The following ENPP6 variants were observed in gnomAD, a reference collection of about 807,000 sequenced individuals.
The protein encoded by ENPP6 is glycerophosphocholine cholinephosphodiesterase ENPP6.
ENPP6 carries 32 observed loss-of-function variants against 42.0 expected under a neutral mutation model. The observed-to-expected ratio is 0.76, with a 90% CI of 0.58 to 1.02. ENPP6 has a LOEUF of 1.02. Among genes scored for constraint, ENPP6 ranks in the 50% least tolerant of loss-of-function variants. The pLI is 0.00. For missense variants in ENPP6, 552 were observed against 566.8 expected (o/e 0.97, Z 0.27); for synonymous variants, 213 against 216.0 (o/e 0.99, Z 0.12).
intron 1 of ENPP6, 134 bp from the exon 2 acceptor site, chr4:184,153,867 A>T: frequency 1.0e-6 from 1 of 978,980 alleles, no homozygotes; most frequent in Non-Finnish European, 1.4e-6. Context: ...TTTTGACTTT[A>T]AAAAAAAATC....
chr4:184,204,671 G>A (rs1487004460), intron 1 of ENPP6, among the ~76,000 whole-genome samples: 1 of 152,142 alleles, frequency 6.6e-6, no homozygotes, highest in Admixed American at 6.5e-5. Context: ...CCTTGGAGGT[G>A]ACTCTCCTTC....
At chr4:184,197,276 A>G (rs977331515) in intron 1 of ENPP6, among the ~76,000 whole-genome samples, 1 of 152,222 alleles carries the variant, frequency 6.6e-6, no homozygotes, top group African/African-American at 2.4e-5. Flanking sequence ...CATGCACCAC[A>G]CACTCTCTCT....
intron 6 of ENPP6, among the ~76,000 whole-genome samples, chr4:184,102,583 T>C (rs180891229): frequency 6.6e-6 from 1 of 152,326 alleles, no homozygotes; most frequent in East Asian, 1.9e-4. Context: ...CCTCCAGCTG[T>C]GTCCTGCATC....
chr4:184,094,298 T>A (rs1025163020), intron 7 of ENPP6, among the ~76,000 whole-genome samples: 3 of 152,000 alleles, frequency 2.0e-5, no homozygotes, highest in Admixed American at 2.0e-4. Flanking sequence ...AAAACAAAAA[T>A]CCTCTTCTTT....
At chr4:184,193,744 T>G (rs1255398226) in intron 1 of ENPP6, among the ~76,000 whole-genome samples, 5 of 152,172 alleles carry the variant, frequency 3.3e-5, no homozygotes, top group African/African-American at 9.7e-5. Context: ...TTCTCCAGAT[T>G]CCCAGCTATG....
chr4:184,122,110 T>C (rs2111350511), intron 3 of ENPP6, among the ~76,000 whole-genome samples: 1 of 152,314 alleles, frequency 6.6e-6, no homozygotes, highest in African/African-American at 2.4e-5. Flanking sequence ...GGTGGCCCTG[T>C]TAACTTTGGC....
At chr4:184,165,105 A>G (rs1009702918) in intron 1 of ENPP6, among the ~76,000 whole-genome samples, 1 of 152,198 alleles carries the variant, frequency 6.6e-6, no homozygotes, top group Non-Finnish European at 1.5e-5. Flanking sequence ...CCCACTGAGG[A>G]AGCGCTTTAC....
At chr4:184,103,412 G>T (rs983927373) in intron 6 of ENPP6, among the ~76,000 whole-genome samples, 6 of 152,226 alleles carry the variant, frequency 3.9e-5, no homozygotes, top group African/African-American at 1.4e-4. Flanking sequence ...AGGTGTATTA[G>T]AGGCCTAATA....
intron 1 of ENPP6, among the ~76,000 whole-genome samples, chr4:184,165,060 A>G (rs1358847893): frequency 6.6e-6 from 1 of 152,172 alleles, no homozygotes; most frequent in African/African-American, 2.4e-5. Context: ...ATTCAGAGGA[A>G]CACGTCAGTC....
At chr4:184,100,193 G>T (rs1735975156) in intron 6 of ENPP6, among the ~76,000 whole-genome samples, 1 of 152,246 alleles carries the variant, frequency 6.6e-6, no homozygotes, top group African/African-American at 2.4e-5. Context: ...CGGGTCAGGT[G>T]CACAGGTAAC....
intron 6 of ENPP6, among the ~76,000 whole-genome samples, chr4:184,112,353 T>C (rs1736207782): frequency 6.6e-6 from 1 of 152,214 alleles, no homozygotes; most frequent in Admixed American, 6.5e-5. Flanking sequence ...GAGCAATTGC[T>C]TTGGTTCACA....
At chr4:184,169,585 C>T (rs1250935253) in intron 1 of ENPP6, among the ~76,000 whole-genome samples, 1 of 152,230 alleles carries the variant, frequency 6.6e-6, no homozygotes, top group Non-Finnish European at 1.5e-5. Context: ...TTTCTGGCCA[C>T]CTTGCCCTCC....
intron 7 of ENPP6, 28 bp downstream of exon 7, chr4:184,097,217 G>A: frequency 2.5e-6 from 4 of 1,613,812 alleles, no homozygotes; most frequent in Non-Finnish European, 3.4e-6. Flanking sequence ...AATGGGGTCT[G>A]AGAGCATCTG....
intron 1 of ENPP6, among the ~76,000 whole-genome samples, chr4:184,195,924 T>C (rs4862330): frequency 0.49 from 74,820 of 152,132 alleles, 19,856 homozygotes; most frequent in East Asian, 0.95. Context: ...CAGCTGGTCC[T>C]GCAGGTCCTT....
intron 6 of ENPP6, among the ~76,000 whole-genome samples, chr4:184,101,368 G>A: frequency 6.7e-6 from 1 of 149,622 alleles, no homozygotes; most frequent in East Asian, 2.0e-4. Flanking sequence ...GGGGTAGGGA[G>A]ATGGGGAGGA....
chr4:184,211,444 A>G (rs1733108748), intron 1 of ENPP6, among the ~76,000 whole-genome samples: 1 of 151,870 alleles, frequency 6.6e-6, no homozygotes, highest in Non-Finnish European at 1.5e-5. Flanking sequence ...CTACCATCAG[A>G]GAATACTACA....
Position 184,128,640 on chromosome 4 carries a change from G to A in ENPP6, c.422-4368C>T, listed in dbSNP as rs368648408. On this transcript the variant is annotated intron_variant, in intron 2 of 7. Coordinates refer to ENST00000296741, the MANE Select transcript of ENPP6 (RefSeq NM_153343.4). Reference sequence around the variant, plus strand: ...CACAAAGAAATCTTGGAAATATAACGTGCAAAATTGCAACTTGGTGGAAAA... The same window carrying A: ...CACAAAGAAATCTTGGAAATATAACATGCAAAATTGCAACTTGGTGGAAAA... 1.5e-3 allele frequency among the ~76,000 whole-genome samples: 231 copies of A among 150,176 alleles called. 2 individuals carry two copies. The highest frequency in any genetic ancestry group is 5.3e-3 in the African/African-American group (220 of 41,148).
chr4:184,134,537 A>G (rs189698178), intron 2 of ENPP6, among the ~76,000 whole-genome samples: 84 of 152,088 alleles, frequency 5.5e-4, no homozygotes, highest in African/African-American at 1.7e-3. Flanking sequence ...TTCACACTGT[A>G]TTACTGGCTT....
In ENPP6 at chr4:184,089,385, G is replaced by A. The variant is rs1239010914; in HGVS notation, c.*1792C>T. On this transcript the variant is annotated 3_prime_UTR_variant, in exon 8 of 8. Coordinates refer to ENST00000296741, the MANE Select transcript of ENPP6 (RefSeq NM_153343.4). ...TAACACACCATATAAGGCCTCCATC[G>A]TCCTGAGGAGACCTGATATATTGCC... 1.3e-5 allele frequency: 2 copies of A among 152,106 alleles called. No individual in the cohort carries two copies. The highest frequency in any genetic ancestry group is 2.9e-5 in the Non-Finnish European group (2 of 68,046). The allele number at this position is 152,106 out of a possible 1,614,324, so 9.4% of individuals were successfully genotyped here. A position where few individuals can be genotyped will look rare whatever the true frequency, so the allele number is the denominator to read the frequency against.
Sources: allele counts gnomAD v4.1 joint callset (sites outside exome capture counted in the v4.1 genomes callset), GRCh38; gene constraint gnomAD v4.1.1; transcripts MANE v1.5; gene names NCBI Gene and HGNC (gene_info 2026-07-23, HGNC 2026-07-21).